TTYH3: variants seen among roughly 807,000 people sequenced by gnomAD.
The protein encoded by TTYH3 is protein tweety homolog 3.
Under a neutral mutation model 68.2 loss-of-function variants are expected in TTYH3, and 23 were observed. The ratio of observed to expected loss-of-function variants is 0.34; its 90% CI spans 0.24 to 0.48. TTYH3 has a LOEUF of 0.48. Ranked by LOEUF, TTYH3 falls within the 20% of genes least tolerant of loss-of-function variation. The probability of loss-of-function intolerance (pLI) is 0.99; values close to 1 mark genes in which losing one functional copy is unlikely to be tolerated. For synonymous variants in TTYH3, 360 were observed against 332.8 expected (o/e 1.08, Z -0.89); for missense variants, 768 against 727.7 (o/e 1.06, Z -0.64).
Position 2,648,973 on chromosome 7 carries a change from G to A in TTYH3, c.723-594G>A, listed in dbSNP as rs4998384. ...TGGGGTGTGGGGCCCGCAGTGGGGT[G>A]TGGGGCCTGCACTGGGGTGTGTTTT... On this transcript the variant is annotated intron_variant, in intron 5 of 13. Transcript: ENST00000258796. Among the ~76,000 whole-genome samples the A allele has an allele frequency of 9.9e-3, 965 of 97,900 alleles. 9 individuals carry two copies. The highest frequency in any genetic ancestry group is 0.01 in the Non-Finnish European group (488 of 47,458). The allele number at this position is 97,900 out of a possible 152,430, so 64.2% of individuals were successfully genotyped here.
In TTYH3 at chr7:2,632,219, G is replaced by A. The variant is rs1414510459; in HGVS notation, c.64G>A (p.Asp22Asn). The A allele has an allele frequency of 1.9e-6, 3 of 1,578,454 alleles. No individual in the cohort carries two copies. Among genetic ancestry groups the A allele is most frequent in the Admixed American group, 1.8e-5 (1 of 56,232 alleles). ...VSLLHRLPHF[D>N]LSWEATSSQF... ...CCTCCTGCACCGGCTGCCCCACTTC[G>A]ACCTGAGCTGGGAGGCCACTAGCAG... Residue 22 changes from aspartate (D) to asparagine (N), a missense_variant, in exon 1 of 14, where the codon GAC becomes AAC. Physicochemically the swap from Asp to Asn is conservative, Grantham distance 23. Transcript: ENST00000258796.
At chr7:2,650,040 A>G (rs536187582) in intron 7 of TTYH3, 52 bp downstream of exon 7, 1 of 1,598,988 alleles carries the variant, frequency 6.3e-7, no homozygotes, top group East Asian at 2.2e-5. Flanking sequence ...GGTTGGGCTG[A>G]GCCAAAAGAG....
rs201514710 is a variant in TTYH3 at position 2,664,525 on chromosome 7, C to CCCG, written c.*2786_*2787insCCG. 3 of 151,886 alleles carry CCCG rather than the reference C, an allele frequency of 2.0e-5. No homozygotes were observed. Among genetic ancestry groups the CCCG allele is most frequent in the Admixed American group, 6.6e-5 (1 of 15,214 alleles). The allele number at this position is 151,886 out of a possible 1,614,324, so 9.4% of individuals were successfully genotyped here. A position where few individuals can be genotyped will look rare whatever the true frequency, so the allele number is the denominator to read the frequency against. On this transcript the variant is annotated 3_prime_UTR_variant, in exon 14 of 14. Transcript: ENST00000258796. ...GACTCAGCCTCCTGGTTTACCCCCC[C>CCCG]GGCCTGGGCATCTGACCTCCCCCAC... is the stretch of plus-strand genomic sequence containing the variant.
intron 1 of TTYH3, among the ~76,000 whole-genome samples, chr7:2,635,722 T>C (rs918261895): frequency 3.3e-5 from 5 of 152,232 alleles, no homozygotes; most frequent in Non-Finnish European, 7.3e-5. Flanking sequence ...ATGGTTTCAC[T>C]GGGACATCTG....
intron 1 of TTYH3, among the ~76,000 whole-genome samples, chr7:2,641,549 G>A (rs912303739): frequency 3.9e-5 from 6 of 152,224 alleles, no homozygotes; most frequent in African/African-American, 7.2e-5. Flanking sequence ...TGCAGTTTTC[G>A]CCTCGCCTGA....
In TTYH3 at chr7:2,647,217, C is replaced by T; in HGVS notation, c.369C>T (p.Arg123=). The change falls in exon 3 of 14, where the codon CGC becomes CGT. Residue 123 remains arginine, a synonymous_variant. Transcript: ENST00000258796. ...DGIHRATYSL[R]HANRTVAGVQ... ...TCCATAGGGCCACCTACTCGCTCCG[C>T]CACGCCAACCGCACGGTGGCCGGGG... The T allele has an allele frequency of 6.2e-7, 1 of 1,602,080 alleles. No homozygotes were observed. Among genetic ancestry groups the T allele is most frequent in the Non-Finnish European group, 8.5e-7 (1 of 1,176,622 alleles).
At position 2,646,938 on chromosome 7, in the gene TTYH3, G is replaced by A; in HGVS notation, c.209G>A (p.Cys70Tyr). 1 of 1,600,818 alleles carries A rather than the reference G, an allele frequency of 6.2e-7. No homozygotes were observed. Among genetic ancestry groups the A allele is most frequent in the African/African-American group, 1.3e-5 (1 of 75,010 alleles). ...CTCTTCTACTCCTTCTGGCTGTGCT[G>A]CCGGCGGCGCAAGAGCGAGGAGCAC... ...FLLFYSFWLC[C>Y]RRRKSEEHLD... Residue 70 changes from cysteine to tyrosine, a missense_variant, in exon 2 of 14, where the codon TGC becomes TAC. By Grantham distance (194) the Cys-to-Tyr change is radical. Coordinates refer to ENST00000258796, the MANE Select transcript of TTYH3 (RefSeq NM_025250.3).
rs774871859 is a variant in TTYH3 at position 2,662,053 on chromosome 7, C to T, written c.*314C>T. 4.1e-5 allele frequency: 22 copies of T among 542,016 alleles called. No individual in the cohort carries two copies. The highest frequency in any genetic ancestry group is 5.7e-5 in the Non-Finnish European group (17 of 300,186). The allele number at this position is 542,016 out of a possible 1,614,324, so 33.6% of individuals were successfully genotyped here. ...CCGCACCTACAAGCCCTGGCCGCACCCAACCTGTGTTGTTGCCGCCCGGCC... is the reference window on the plus strand; with the variant it reads ...CCGCACCTACAAGCCCTGGCCGCACTCAACCTGTGTTGTTGCCGCCCGGCC... On this transcript the variant is annotated 3_prime_UTR_variant, in exon 14 of 14. Transcript: ENST00000258796.
At position 2,649,126 on chromosome 7, in the gene TTYH3, G is replaced by A. The variant is rs549070409; in HGVS notation, c.723-441G>A. ...GAGGTGAGGCCTCAGATGAGGGAGA[G>A]GCCAGTGCCGTAGCAAGAGCTCTGA... On this transcript the variant is annotated intron_variant, in intron 5 of 13. Coordinates refer to ENST00000258796, the MANE Select transcript of TTYH3 (RefSeq NM_025250.3). 1.0e-3 allele frequency among the ~76,000 whole-genome samples: 153 copies of A among 152,180 alleles called. 1 individual carries two copies. The highest frequency in any genetic ancestry group is 3.4e-3 in the African/African-American group (143 of 41,498).
chr7:2,636,625 G>A lies in TTYH3; in HGVS notation c.123+4347G>A, dbSNP rs117789950. Among the ~76,000 whole-genome samples the A allele has an allele frequency of 3.0e-3, 455 of 152,334 alleles. 2 individuals are homozygous for A. The highest frequency in any genetic ancestry group is 5.1e-3 in the Non-Finnish European group (348 of 68,044). ...CAGGAGCTGATGAACTAGGCTGGGGGTGTACAGCGAATGGGACCCTGCATT... is the reference window on the plus strand; with the variant it reads ...CAGGAGCTGATGAACTAGGCTGGGGATGTACAGCGAATGGGACCCTGCATT... On this transcript the variant is annotated intron_variant, in intron 1 of 13. Coordinates refer to ENST00000258796, the MANE Select transcript of TTYH3 (RefSeq NM_025250.3).
intron 8 of TTYH3, among the ~76,000 whole-genome samples, 162 bp downstream of exon 8, chr7:2,652,404 C>G (rs1444776583): frequency 6.6e-6 from 1 of 152,200 alleles, no homozygotes; most frequent in African/African-American, 2.4e-5. Context: ...CCAACAGCCC[C>G]TGGGGTTACC....
In TTYH3 at chr7:2,652,901, T is replaced by G. The variant is rs1786227367; in HGVS notation, c.928-17T>G. 1 of 1,551,194 alleles carries G rather than the reference T, an allele frequency of 6.4e-7. No individual in the cohort carries two copies. Among genetic ancestry groups the G allele is most frequent in the Non-Finnish European group, 8.7e-7 (1 of 1,146,194 alleles). ...GACCCAGCAGCGCCCATGGACTTGGTCTCCTCTCTGGAGCAGAAGCTGTCG... is the reference window on the plus strand; with the variant it reads ...GACCCAGCAGCGCCCATGGACTTGGGCTCCTCTCTGGAGCAGAAGCTGTCG... On this transcript the variant is annotated splice_polypyrimidine_tract_variant and intron_variant, in intron 8 of 13. Transcript: ENST00000258796.
intron 1 of TTYH3, among the ~76,000 whole-genome samples, chr7:2,633,970 G>A (rs1377591523): frequency 6.6e-6 from 1 of 152,250 alleles, no homozygotes; most frequent in Non-Finnish European, 1.5e-5. Flanking sequence ...TGCTCAGCCT[G>A]ACCTGCCTGG....
intron 7 of TTYH3, among the ~76,000 whole-genome samples, chr7:2,651,955 G>A (rs1433838625): frequency 2.6e-5 from 4 of 152,118 alleles, no homozygotes; most frequent in Non-Finnish European, 4.4e-5. Context: ...TAAACACACA[G>A]ACACATGCAC....
intron 1 of TTYH3, 29 bp downstream of exon 1, chr7:2,632,307 T>C: frequency 6.5e-7 from 1 of 1,528,962 alleles, no homozygotes; most frequent in Non-Finnish European, 8.8e-7. Context: ...GGTCGCGGGG[T>C]CAGGGACCCC....
rs1196847255 is a variant in TTYH3, at chr7:2,647,511, G to A, written c.499G>A (p.Ala167Thr). 1 of 1,544,428 alleles carries A rather than the reference G, an allele frequency of 6.5e-7. No individual in the cohort carries two copies. The part of the protein sequence containing the change: ...QLAGRPEPLR[A>T]VQRLQGLLET... ...GGCCGGGCGGCCCGAGCCCCTGCGAGCCGTACAGAGGCTGCAGGGCCTGCT... is the reference window on the plus strand; with the variant it reads ...GGCCGGGCGGCCCGAGCCCCTGCGAACCGTACAGAGGCTGCAGGGCCTGCT... The change falls in exon 4 of 14, where the codon GCC becomes ACC. Residue 167 changes from alanine (A) to threonine (T), a missense_variant. Coordinates refer to ENST00000258796, the MANE Select transcript of TTYH3 (RefSeq NM_025250.3).
chr7:2,661,766 C>G lies in TTYH3; in HGVS notation c.*27C>G, dbSNP rs771057539. The G allele has an allele frequency of 2.5e-6, 4 of 1,600,444 alleles. No individual in the cohort carries two copies. In the Admixed American group the frequency reaches 6.8e-5, roughly 27 times the overall value. On this transcript the variant is annotated 3_prime_UTR_variant, in exon 14 of 14. Coordinates refer to ENST00000258796, the MANE Select transcript of TTYH3 (RefSeq NM_025250.3). ...CCGCGCCCGGCAGCCACCCACCCCA[C>G]GTGCCAACTTCCCCTCCCCGTGCCA...
chr7:2,633,792 C>A (rs1487195465), intron 1 of TTYH3, among the ~76,000 whole-genome samples: 3 of 152,246 alleles, frequency 2.0e-5, no homozygotes, highest in African/African-American at 7.2e-5. Context: ...GCGGCTGTTT[C>A]CTGCTGCCCC....
intron 1 of TTYH3, among the ~76,000 whole-genome samples, chr7:2,641,609 G>T (rs1027726641): frequency 2.6e-5 from 4 of 152,244 alleles, no homozygotes; most frequent in African/African-American, 9.6e-5. Flanking sequence ...CATTTGGTCA[G>T]AGCCCAGCTG....
Sources: allele counts gnomAD v4.1 joint callset (sites outside exome capture counted in the v4.1 genomes callset), GRCh38; gene constraint gnomAD v4.1.1; transcripts MANE v1.5; gene names NCBI Gene and HGNC (gene_info 2026-07-23, HGNC 2026-07-21).